The following EP400 variants were observed in gnomAD, a reference collection of about 807,000 sequenced individuals.
The protein encoded by EP400 is E1A-binding protein p400.
A neutral mutation model predicts 354.1 loss-of-function variants in EP400; 105 were observed. The ratio of observed to expected loss-of-function variants is 0.30; its 90% CI spans 0.25 to 0.35. The LOEUF is 0.35. Ranked by LOEUF, EP400 falls within the 10% of genes least tolerant of loss-of-function variation. EP400 has a pLI of 1.00. For missense variants in EP400, 3,280 were observed against 4,121.0 expected (o/e 0.80, Z 5.59); for synonymous variants, 1,646 against 1,716.9 (o/e 0.96, Z 1.02).
Position 131,982,114 on chromosome 12 carries a change from A to G in EP400, c.1565A>G (p.Gln522Arg). 6.5e-7 allele frequency: 1 copy of G among 1,529,788 alleles called. No individual in the cohort carries two copies. Among genetic ancestry groups the G allele is most frequent in the Non-Finnish European group, 8.8e-7 (1 of 1,139,722 alleles). The allele number at this position is 1,529,788 out of a possible 1,614,324, so 94.8% of individuals were successfully genotyped here. A position where few individuals can be genotyped will look rare whatever the true frequency, so the allele number is the denominator to read the frequency against. ...TAQGGMPPTP[Q>R]AAQLAGQRQS... The stretch of plus-strand genomic sequence containing the variant: ...GCAGGAGGAATGCCCCCCACGCCGC[A>G]GGCCGCGCAGCTCGCTGGACAGAGG... The change falls in exon 5 of 53, where the codon CAG becomes CGG. Residue 522 changes from glutamine (Q) to arginine (R), a missense_variant. Around this residue, in one of 20 missense-constraint regions of EP400, gnomAD observed 800 missense variants for 840.0 expected, o/e 0.95. Coordinates refer to ENST00000389561, the MANE Select transcript of EP400 (RefSeq NM_015409.5).
In EP400 at chr12:132,062,557, GC is replaced by G; in HGVS notation, c.8191del (p.Gln2731SerfsTer46). On this transcript the variant is annotated frameshift_variant, in exon 47 of 53. Coordinates refer to ENST00000389561, the MANE Select transcript of EP400 (RefSeq NM_015409.5). LOFTEE classifies it high-confidence loss of function. ...QQQQQQQQQQ[Q>X]QQQQQQQQQQ... ...AGCAGCAGCAGCAACAACAGCAGCA[GC>G]AGCAGCAGCAGCAGCAGCAGCAGCA... The G allele has an allele frequency of 6.3e-7, 1 of 1,587,380 alleles. No homozygotes were observed. The highest frequency in any genetic ancestry group is 8.6e-7 in the Non-Finnish European group (1 of 1,163,516).
At chr12:132,020,986 T>C (rs2136542595) in intron 22 of EP400, 93 bp from the exon 23 acceptor site, 1 of 1,420,460 alleles carries the variant, frequency 7.0e-7, no homozygotes, top group African/African-American at 1.5e-5. Flanking sequence ...CGGTGTGAAA[T>C]GTTTATTTTA....
chr12:131,974,617 A>C (rs1315361319), intron 2 of EP400, among the ~76,000 whole-genome samples: 1 of 152,182 alleles, frequency 6.6e-6, no homozygotes, highest in African/African-American at 2.4e-5. Flanking sequence ...GGGCACCCAG[A>C]ATTAAATTCC....
chr12:131,962,043 C>T (rs1891902876), intron 2 of EP400, 89 bp downstream of exon 2: 3 of 1,435,848 alleles, frequency 2.1e-6, no homozygotes, highest in Admixed American at 2.4e-5. Flanking sequence ...TTTATTGAGC[C>T]TGCGGTATTT....
Position 131,961,517 on chromosome 12 carries a change from G to T in EP400, c.898G>T (p.Val300Leu). Residue 300 changes from valine to leucine, a missense_variant, in exon 2 of 53, where the codon GTG (valine) becomes TTG (leucine). Transcript: ENST00000389561. ...CCTGGGCTTCGAGAGGACACCCGGCGTGCTGCTCCCCGGGGCTGGGGGCGC... is the reference window on the plus strand; with the variant it reads ...CCTGGGCTTCGAGAGGACACCCGGCTTGCTGCTCCCCGGGGCTGGGGGCGC... Reference protein sequence around the residue: ...RPLGFERTPGVLLPGAGGAAG... With the variant: ...RPLGFERTPGLLLPGAGGAAG... 2 of 1,578,930 alleles carry T rather than the reference G, an allele frequency of 1.3e-6. No individual in the cohort carries two copies. Among genetic ancestry groups the T allele is most frequent in the Non-Finnish European group, 1.7e-6 (2 of 1,161,392 alleles).
In EP400 at chr12:132,038,298, G is replaced by C. The variant is rs901032335; in HGVS notation, c.6207+202G>C. ...TGTAAATACAAGTGAGGGGAATGGT[G>C]GCGAAGGTCGCGGACCACAGGCCTG... is the stretch of plus-strand genomic sequence containing the variant. On this transcript the variant is annotated intron_variant, in intron 32 of 52. Coordinates refer to ENST00000389561, the MANE Select transcript of EP400 (RefSeq NM_015409.5). The surrounding 1 kb of genome is among the most constrained non-coding windows in gnomAD (Gnocchi z 4.2). Among the ~76,000 whole-genome samples, 1 of 152,198 alleles carries C rather than the reference G, an allele frequency of 6.6e-6. No individual in the cohort carries two copies. The highest frequency in any genetic ancestry group is 1.5e-5 in the Non-Finnish European group (1 of 68,038).
At chr12:132,012,290 T>C (rs1893792517) in intron 16 of EP400, among the ~76,000 whole-genome samples, 1 of 152,238 alleles carries the variant, frequency 6.6e-6, no homozygotes, top group African/African-American at 2.4e-5. Flanking sequence ...TTTGTAAGTA[T>C]AGAAATTTAT....
At position 132,079,051 on chromosome 12, in the gene EP400, G is replaced by T. The variant is rs1008282824; in HGVS notation, c.*1378G>T. The T allele has an allele frequency of 6.6e-6, 1 of 152,108 alleles. No individual in the cohort carries two copies. The highest frequency in any genetic ancestry group is 1.5e-5 in the Non-Finnish European group (1 of 68,000). 9.4% of individuals were successfully genotyped at this position (152,108 alleles called of 1,614,324 possible). The stretch of plus-strand genomic sequence containing the variant: ...GAAATTAGGTTATATTAGGTTTTTT[G>T]TATACTAAAAATCAGTTATGGCACA... On this transcript the variant is annotated 3_prime_UTR_variant, in exon 53 of 53. Coordinates refer to ENST00000389561, the MANE Select transcript of EP400 (RefSeq NM_015409.5).
In EP400 at chr12:131,992,165, T is replaced by C. The variant is rs1893061491; in HGVS notation, c.2680-8T>C. On this transcript the variant is annotated splice_polypyrimidine_tract_variant and splice_region_variant and intron_variant, in intron 10 of 52. Coordinates refer to ENST00000389561, the MANE Select transcript of EP400 (RefSeq NM_015409.5). Reference sequence around the variant, plus strand: ...TCATGCTTGTGGTTTTTCTTTCTTTTCTTTCAGGATTCAGGAATGTCTGGA... The same window carrying C: ...TCATGCTTGTGGTTTTTCTTTCTTTCCTTTCAGGATTCAGGAATGTCTGGA... The C allele has an allele frequency of 1.2e-6, 2 of 1,605,660 alleles. No individual in the cohort carries two copies. The highest frequency in any genetic ancestry group is 1.7e-6 in the Non-Finnish European group (2 of 1,179,944).
chr12:131,963,079 T>TA (rs1376647167), intron 2 of EP400, among the ~76,000 whole-genome samples: 1 of 152,228 alleles, frequency 6.6e-6, no homozygotes, highest in African/African-American at 2.4e-5. Flanking sequence ...TCATTTCTGT[T>TA]ACGTTTGTAT....
At chr12:132,006,666 G>A (rs1027712656) in intron 14 of EP400, 34 bp from the exon 15 acceptor site, 11 of 1,543,170 alleles carry the variant, frequency 7.1e-6, no homozygotes, top group African/African-American at 5.6e-5. Context: ...TTATTTTGAC[G>A]AGCTGTCATT....
Position 132,077,867 on chromosome 12 carries a change from G to A in EP400, c.*194G>A, listed in dbSNP as rs527846732. 5.3e-6 allele frequency: 4 copies of A among 749,096 alleles called. No homozygotes were observed. The highest frequency in any genetic ancestry group is 2.0e-5 in the South Asian group (1 of 51,084). The allele number at this position is 749,096 out of a possible 1,614,324, so 46.4% of individuals were successfully genotyped here. A position where few individuals can be genotyped will look rare whatever the true frequency, so the allele number is the denominator to read the frequency against. ...ACAAATGGTCCTTATGGAGTGCCGC[G>A]TTCTCTGTACTACGTGGCTCATGGA... is the stretch of plus-strand genomic sequence containing the variant. On this transcript the variant is annotated 3_prime_UTR_variant, in exon 53 of 53. Transcript: ENST00000389561.
At chr12:132,055,920 G>A (rs925431356) in intron 45 of EP400, among the ~76,000 whole-genome samples, 1 of 151,892 alleles carries the variant, frequency 6.6e-6, no homozygotes, top group African/African-American at 2.4e-5. Context: ...TCTTGGGGGC[G>A]TGGTTTTGGG....
chr12:132,047,395 A>G (rs1159367730), intron 39 of EP400, among the ~76,000 whole-genome samples: 1 of 152,156 alleles, frequency 6.6e-6, no homozygotes, highest in Non-Finnish European at 1.5e-5. Context: ...GTTCTTTTCT[A>G]TTTTCCCTAA....
At position 132,050,754 on chromosome 12, in the gene EP400, G is replaced by A. The variant is rs567122090; in HGVS notation, c.7394+99G>A. 2.1e-3 allele frequency: 3,088 copies of A among 1,448,472 alleles called. 10 individuals are homozygous for A. The highest frequency in any genetic ancestry group is 2.7e-3 in the Non-Finnish European group (2,828 of 1,034,608). 89.7% of individuals were successfully genotyped at this position (1,448,472 alleles called of 1,614,324 possible). A position where few individuals can be genotyped will look rare whatever the true frequency, so the allele number is the denominator to read the frequency against. On this transcript the variant is annotated intron_variant, in intron 41 of 52. Transcript: ENST00000389561. This position sits in a 1 kb window ranked among gnomAD's most constrained non-coding sequence, Gnocchi z 4.8. ...TTCAGCAAATCGTTGTGCACTTAGC[G>A]TGTTCAGGCATCAGCTGGACGTGGC...
At position 132,028,307 on chromosome 12, in the gene EP400, C is replaced by T; in HGVS notation, c.5381+19C>T. ...TTGACAGGTACTGCAGACCTCGTGACCTTTTCGGTGCTCTCTGGCTGCATT... is the reference window on the plus strand; with the variant it reads ...TTGACAGGTACTGCAGACCTCGTGATCTTTTCGGTGCTCTCTGGCTGCATT... On this transcript the variant is annotated intron_variant, in intron 27 of 52. Coordinates refer to ENST00000389561, the MANE Select transcript of EP400 (RefSeq NM_015409.5). 1 of 1,605,160 alleles carries T rather than the reference C, an allele frequency of 6.2e-7. No homozygotes were observed. Among genetic ancestry groups the T allele is most frequent in the Non-Finnish European group, 8.5e-7 (1 of 1,172,440 alleles).
rs547166842 is a variant in EP400, at chr12:132,038,860, G to T, written c.6207+764G>T. ...GTCCCCTCCTCCTTCATGTGGCCCT[G>T]CCACTCCTCCAGAACTTGTTGTGGG... On this transcript the variant is annotated intron_variant, in intron 32 of 52. Coordinates refer to ENST00000389561, the MANE Select transcript of EP400 (RefSeq NM_015409.5). This position sits in a 1 kb window ranked among gnomAD's most constrained non-coding sequence, Gnocchi z 4.2. Among the ~76,000 whole-genome samples the T allele has an allele frequency of 1.4e-4, 22 of 152,290 alleles. No individual in the cohort carries two copies. The South Asian group carries it at 3.1e-3, about 22-fold the overall frequency.
At position 132,045,872 on chromosome 12, in the gene EP400, A is replaced by G; in HGVS notation, c.7172A>G (p.Asn2391Ser). The change falls in exon 39 of 53, where the codon AAT (asparagine) becomes AGT (serine). Residue 2391 changes from asparagine (N) to serine (S), a missense_variant. This residue lies in a region of EP400 where 84 missense variants were observed against 133.0 expected (regional missense o/e 0.63). Coordinates refer to ENST00000389561, the MANE Select transcript of EP400 (RefSeq NM_015409.5). ...AAACAGTGCCGGAATCGCTACGAGA[A>G]TGTCATCATTCCACGAGAGGAGGGG... ...SSKQCRNRYE[N>S]VIIPREEGKS... 2 of 1,614,246 alleles carry G rather than the reference A, an allele frequency of 1.2e-6. No individual in the cohort carries two copies. Among genetic ancestry groups the G allele is most frequent in the Non-Finnish European group, 1.7e-6 (2 of 1,180,052 alleles).
Position 131,991,369 on chromosome 12 carries a change from G to A in EP400, c.2630-38G>A, listed in dbSNP as rs766897809. ...GCAGAGACGCCCTCGCCAAGCATGG[G>A]GGGCCTTGGGAACGAACTGTGCTCC... On this transcript the variant is annotated intron_variant, in intron 9 of 52. Transcript: ENST00000389561. 3.1e-6 allele frequency: 5 copies of A among 1,610,786 alleles called. No individual in the cohort carries two copies. In the South Asian group the frequency reaches 3.3e-5, roughly 11 times the overall value.
Sources: gnomAD v4.1 joint callset for allele counts (sites outside exome capture counted in the v4.1 genomes callset) on GRCh38, gnomAD v4.1.1 for gene constraint, gnomAD v4.1.1 regional missense constraint, Gnocchi (gnomAD v3.1) non-coding constraint, MANE v1.5 for transcripts, NCBI Gene and HGNC (gene_info 2026-07-23, HGNC 2026-07-21) for gene names.